The following SGCD variants were observed in gnomAD, a reference collection of about 807,000 sequenced individuals.
SGCD encodes sarcoglycan delta.
Under a neutral mutation model 36.6 loss-of-function variants are expected in SGCD, and 18 were observed. That is an observed-to-expected ratio of 0.49 (90% CI 0.34 to 0.73). The LOEUF (loss-of-function observed/expected upper bound fraction) is 0.73, where lower values mean the gene tolerates loss of function less well. Among genes scored for constraint, SGCD ranks in the 30% least tolerant of loss-of-function variants. The pLI is 0.01. For missense variants in SGCD, 387 were observed against 346.7 expected, an observed-to-expected ratio of 1.12 and a Z score of -0.92; for synonymous variants, 133 against 130.6, an observed-to-expected ratio of 1.02 and a Z score of -0.12.
chr5:156,293,831 T>C (rs1766823196), intron 3 of SGCD, among the ~76,000 whole-genome samples: 1 of 152,080 alleles, frequency 6.6e-6, no homozygotes, highest in Non-Finnish European at 1.5e-5. Flanking sequence ...CTAGCATAAA[T>C]TTTTCTACTG....
chr5:156,272,917 A>G (rs564785500), intron 3 of SGCD, among the ~76,000 whole-genome samples: 43 of 152,370 alleles, frequency 2.8e-4, no homozygotes, highest in African/African-American at 9.6e-4. Flanking sequence ...GCAAAGTTGC[A>G]TAGTTACAAA....
intron 3 of SGCD, among the ~76,000 whole-genome samples, chr5:156,219,805 G>T (rs189104378): frequency 6.6e-6 from 1 of 152,310 alleles, no homozygotes; most frequent in African/African-American, 2.4e-5. Flanking sequence ...AATCTCATCT[G>T]CTTCTGTGTA....
chr5:156,022,971 C>T lies in SGCD; in HGVS notation c.-281-94907C>T, dbSNP rs190678012. On this transcript the variant is annotated intron_variant, in intron 1 of 9. Coordinates refer to the SGCD transcript ENST00000517913. ...ACTTCTTTGTTTCCCAGCTAAAAAG[C>T]TCATCATTTTTCTCTTAAGTGTAGC... Among the ~76,000 whole-genome samples the T allele has an allele frequency of 2.4e-4, 36 of 152,316 alleles. 1 individual carries two copies. Among genetic ancestry groups the T allele is most frequent in the African/African-American group, 1.9e-4 (8 of 41,564 alleles).
intron 1 of SGCD, among the ~76,000 whole-genome samples, chr5:155,956,500 C>T (rs923133448): frequency 6.6e-6 from 1 of 152,076 alleles, no homozygotes; most frequent in East Asian, 1.9e-4. Flanking sequence ...TTTTCATCGT[C>T]CTGAGGATAC....
chr5:156,244,041 A>G (rs1383066683), intron 3 of SGCD, among the ~76,000 whole-genome samples: 2 of 152,150 alleles, frequency 1.3e-5, no homozygotes, highest in South Asian at 2.1e-4. Flanking sequence ...CCCTGCAGAA[A>G]CTCCCCTAAT....
At chr5:155,879,038 C>T (rs116510523) in intron 1 of SGCD, among the ~76,000 whole-genome samples, 163 of 151,722 alleles carry the variant, frequency 1.1e-3, no homozygotes, top group African/African-American at 3.8e-3. Context: ...AGTCAGTACT[C>T]AAGAGGAAAT....
intron 3 of SGCD, among the ~76,000 whole-genome samples, chr5:156,354,110 G>C (rs1195177570): frequency 6.6e-6 from 1 of 152,314 alleles, no homozygotes; most frequent in East Asian, 1.9e-4. Flanking sequence ...TACTAGGGAA[G>C]AAAACACATG....
At chr5:155,857,005 G>T in the SGCD span, among the ~76,000 whole-genome samples, 29 of 152,148 alleles carry the variant, frequency 1.9e-4, no homozygotes, top group African/African-American at 6.8e-4. Context: ...AGACAGAGGC[G>T]GGTGGATTAC....
At chr5:156,539,494 G>A (rs1319046344) in intron 4 of SGCD, among the ~76,000 whole-genome samples, 1 of 151,582 alleles carries the variant, frequency 6.6e-6, no homozygotes, top group Admixed American at 6.6e-5. Context: ...CCACTTATAA[G>A]TGAGGACATA....
intron 1 of SGCD, among the ~76,000 whole-genome samples, chr5:155,992,653 A>C (rs1581031394): frequency 6.6e-6 from 1 of 152,308 alleles, no homozygotes; most frequent in Middle Eastern, 3.4e-3. Flanking sequence ...ATTGCTGCAC[A>C]ACAAACATAT....
chr5:156,578,341 C>T lies in SGCD; in HGVS notation c.295-10890C>T, dbSNP rs566487919. ...AGTATTTTATTGAGGATTTTTGCAT[C>T]GATGTTCATCAGGGATATTGGTCTA... is the stretch of plus-strand genomic sequence containing the variant. On this transcript the variant is annotated intron_variant, in intron 4 of 8. Transcript: ENST00000337851. Among the ~76,000 whole-genome samples, 161 of 152,176 alleles carry T rather than the reference C, an allele frequency of 1.1e-3. 3 individuals carry two copies. In the South Asian group the frequency reaches 0.028, roughly 27 times the overall value.
At chr5:156,719,129 A>C (rs1278981227) in intron 7 of SGCD, among the ~76,000 whole-genome samples, 2 of 152,238 alleles carry the variant, frequency 1.3e-5, no homozygotes, top group Admixed American at 6.5e-5. Context: ...ATTTTAAGGA[A>C]TTGGGTCACA....
intron 1 of SGCD, among the ~76,000 whole-genome samples, chr5:156,074,859 C>T (rs1760722771): frequency 6.6e-6 from 1 of 152,108 alleles, no homozygotes; most frequent in African/African-American, 2.4e-5. Context: ...CAATTATGAG[C>T]AGATGAACCA....
At chr5:156,621,668 A>G (rs1410002530) in intron 6 of SGCD, among the ~76,000 whole-genome samples, 1 of 152,272 alleles carries the variant, frequency 6.6e-6, no homozygotes, top group Non-Finnish European at 1.5e-5. Context: ...TAATCAGTCC[A>G]AGCGTTGGAA....
chr5:156,702,315 A>T (rs951626811), intron 7 of SGCD, among the ~76,000 whole-genome samples: 2 of 152,056 alleles, frequency 1.3e-5, no homozygotes, highest in Non-Finnish European at 2.9e-5. Flanking sequence ...GGAGGCCTAC[A>T]TTTCTAGTCT....
At chr5:156,393,367 A>G (rs1227983775) in intron 3 of SGCD, among the ~76,000 whole-genome samples, 1 of 152,254 alleles carries the variant, frequency 6.6e-6, no homozygotes, top group Non-Finnish European at 1.5e-5. Context: ...CAATTGTTAA[A>G]TGTTCAAGAA....
At position 155,890,102 on chromosome 5, in the gene SGCD, G is replaced by T. The variant is rs550314986; in HGVS notation, c.-282+19678G>T. ...ACATGCTCCCTGTTACCTACACTAA[G>T]GTTTAATACTCATGGCTATATTTGA... On this transcript the variant is annotated intron_variant, in intron 1 of 9. Transcript: ENST00000517913. 8.5e-5 allele frequency among the ~76,000 whole-genome samples: 13 copies of T among 152,240 alleles called. No homozygotes were observed. The South Asian group carries it at 2.7e-3, about 32-fold the overall frequency.
chr5:155,886,597 T>A (rs1756010092), intron 1 of SGCD, among the ~76,000 whole-genome samples: 1 of 152,078 alleles, frequency 6.6e-6, no homozygotes, highest in Non-Finnish European at 1.5e-5. Flanking sequence ...GGGCAGATAA[T>A]CCAGATGATA....
At chr5:156,501,182 C>A (rs902882759) in intron 3 of SGCD, among the ~76,000 whole-genome samples, 1 of 152,324 alleles carries the variant, frequency 6.6e-6, no homozygotes, top group African/African-American at 2.4e-5. Context: ...TACTGCCCCC[C>A]ACCCATCCCA....
Sources: allele counts gnomAD v4.1 joint callset (sites outside exome capture counted in the v4.1 genomes callset), GRCh38; gene constraint gnomAD v4.1.1; transcripts MANE v1.5; gene names NCBI Gene and HGNC (gene_info 2026-07-23, HGNC 2026-07-21).